BMPR2: variants seen among roughly 807,000 people sequenced by gnomAD.
The protein encoded by BMPR2 is bone morphogenetic protein receptor type 2, also known as bone morphogenetic protein receptor type-2.
In BMPR2, 29 loss-of-function variants were observed where a neutral mutation model predicts 100.8. That is an observed-to-expected ratio of 0.29 (90% confidence interval 0.21 to 0.39). The LOEUF is 0.39. Ranked by LOEUF, BMPR2 falls within the 10% of genes least tolerant of loss-of-function variation. The pLI, the probability that BMPR2 is intolerant of heterozygous loss-of-function variation, is 1.00. For missense variants in BMPR2, 1,011 were observed against 1,274.5 expected (o/e 0.79, Z 3.15); for synonymous variants, 382 against 442.3 (o/e 0.86, Z 1.71).
intron 1 of BMPR2, among the ~76,000 whole-genome samples, chr2:202,391,678 C>T (rs898084473): frequency 6.6e-6 from 1 of 150,912 alleles, no homozygotes; most frequent in Non-Finnish European, 1.5e-5. Flanking sequence ...CGTCTGCCTC[C>T]CAACTCAGGC....
In BMPR2 at chr2:202,467,331, C is replaced by A. The variant is rs1049717171; in HGVS notation, c.248-188C>A. Among the ~76,000 whole-genome samples the A allele has an allele frequency of 7.9e-5, 12 of 152,258 alleles. No homozygotes were observed. In the East Asian group the frequency reaches 9.6e-4, roughly 12 times the overall value. ...CCTTTTTTGGTGGCCTTTTCCCCCCCATGAAATGTCTTTGGTATCCTTTAC... is the reference window on the plus strand; with the variant it reads ...CCTTTTTTGGTGGCCTTTTCCCCCCAATGAAATGTCTTTGGTATCCTTTAC... On this transcript the variant is annotated intron_variant, in intron 2 of 12. Transcript: ENST00000374580.
chr2:202,564,928 C>G lies in BMPR2; in HGVS notation c.*4982C>G, dbSNP rs1246606419. On this transcript the variant is annotated 3_prime_UTR_variant, in exon 13 of 13. Coordinates refer to ENST00000374580, the MANE Select transcript of BMPR2 (RefSeq NM_001204.7). ...AGGCATGGTGGCACGCGCCTGTAGT[C>G]CCAGCTACTCGGGAGGCAGAGACAG... The G allele has an allele frequency of 6.6e-6, 1 of 152,174 alleles. No homozygotes were observed. Among genetic ancestry groups the G allele is most frequent in the Non-Finnish European group, 1.5e-5 (1 of 68,090 alleles). The allele number at this position is 152,174 out of a possible 1,614,324, so 9.4% of individuals were successfully genotyped here.
intron 1 of BMPR2, among the ~76,000 whole-genome samples, chr2:202,378,820 C>T (rs959723031): frequency 1.3e-5 from 2 of 151,994 alleles, no homozygotes; most frequent in Non-Finnish European, 2.9e-5. Context: ...TATTTAAATT[C>T]TCTAGCCATA....
chr2:202,376,883 C>T lies in BMPR2; in HGVS notation c.-592C>T. The T allele has an allele frequency of 2.4e-6, 1 of 410,202 alleles. No homozygotes were observed. Among genetic ancestry groups the T allele is most frequent in the Non-Finnish European group, 4.3e-6 (1 of 233,800 alleles). The allele number at this position is 410,202 out of a possible 1,614,324, so 25.4% of individuals were successfully genotyped here. On this transcript the variant is annotated 5_prime_UTR_variant, in exon 1 of 13. Coordinates refer to ENST00000374580, the MANE Select transcript of BMPR2 (RefSeq NM_001204.7). ...TGAGCTTGTCCATGGAGGCAGGCACCTTTTTTGATCCAGTCAAGGAAGAGG... is the reference window on the plus strand; with the variant it reads ...TGAGCTTGTCCATGGAGGCAGGCACTTTTTTTGATCCAGTCAAGGAAGAGG...
In BMPR2 at chr2:202,410,871, G is replaced by A. The variant is rs531134093; in HGVS notation, c.76+33321G>A. On this transcript the variant is annotated intron_variant, in intron 1 of 12. Coordinates refer to ENST00000374580, the MANE Select transcript of BMPR2 (RefSeq NM_001204.7). ...TAGGATTACAGACGTGAGCCACTGC[G>A]CCCAGTCTTTTTATTTTTAAAAATA... 5.9e-5 allele frequency among the ~76,000 whole-genome samples: 9 copies of A among 152,160 alleles called. No individual in the cohort carries two copies. In the South Asian group the frequency reaches 1.5e-3, roughly 25 times the overall value.
chr2:202,547,491 G>A (rs1326533396), intron 10 of BMPR2, among the ~76,000 whole-genome samples: 1 of 152,030 alleles, frequency 6.6e-6, no homozygotes, highest in Non-Finnish European at 1.5e-5. Flanking sequence ...CACATAAAAG[G>A]TGGCAACTTA....
chr2:202,467,735 A>G (rs1012974624), intron 3 of BMPR2, 46 bp downstream of exon 3: 1 of 1,554,648 alleles, frequency 6.4e-7, no homozygotes, highest in Non-Finnish European at 8.9e-7. Context: ...TTCTCCAAAG[A>G]TTTGCAAAAT....
At chr2:202,546,935 G>C (rs1031849031) in intron 10 of BMPR2, among the ~76,000 whole-genome samples, 1 of 150,920 alleles carries the variant, frequency 6.6e-6, no homozygotes, top group Non-Finnish European at 1.5e-5. Flanking sequence ...GTTTTGTTTT[G>C]TTTTGTTTTG....
chr2:202,499,777 A>G (rs1687335864), intron 3 of BMPR2, among the ~76,000 whole-genome samples: 2 of 152,320 alleles, frequency 1.3e-5, no homozygotes, highest in East Asian at 1.9e-4. Context: ...TCGGTGTTCT[A>G]TAATAGGGAC....
Position 202,464,965 on chromosome 2 carries a change from A to G in BMPR2, c.233A>G (p.Asn78Ser), listed in dbSNP as rs1215078285. Residue 78 changes from asparagine to serine, a missense_variant, in exon 2 of 13, where the codon AAT (asparagine) becomes AGT (serine). This residue lies in a region of BMPR2 where 355 missense variants were observed against 455.3 expected (regional missense o/e 0.78). Transcript: ENST00000374580. ...TGGGAGAAATCAAAAGGGGACATAA[A>G]TCTTGTAAAACAAGGCAAGTGATAC... Reference protein sequence around the residue: ...GLWEKSKGDINLVKQGCWSHI... With the variant: ...GLWEKSKGDISLVKQGCWSHI... The G allele has an allele frequency of 2.5e-6, 4 of 1,614,024 alleles. No homozygotes were observed. Among genetic ancestry groups the G allele is most frequent in the Non-Finnish European group, 3.4e-6 (4 of 1,180,024 alleles).
intron 3 of BMPR2, among the ~76,000 whole-genome samples, chr2:202,501,443 C>T (rs1400202213): frequency 6.6e-6 from 1 of 152,186 alleles, no homozygotes; most frequent in African/African-American, 2.4e-5. Context: ...AGTACAAGCT[C>T]CAGCTTTAAG....
At chr2:202,501,129 C>G (rs1452520628) in intron 3 of BMPR2, among the ~76,000 whole-genome samples, 1 of 152,206 alleles carries the variant, frequency 6.6e-6, no homozygotes, top group East Asian at 1.9e-4. Context: ...TACAAGGTGT[C>G]TAGGTCGAAG....
chr2:202,508,035 T>G (rs1687557507), intron 3 of BMPR2, among the ~76,000 whole-genome samples: 1 of 150,278 alleles, frequency 6.7e-6, no homozygotes. Context: ...ATATGATAAG[T>G]CATTTTATCT....
At chr2:202,473,884 A>T (rs763877355) in intron 3 of BMPR2, among the ~76,000 whole-genome samples, 1 of 152,128 alleles carries the variant, frequency 6.6e-6, no homozygotes, top group Admixed American at 6.5e-5. Flanking sequence ...AGGCAGGCGG[A>T]TCATGAGGTC....
At chr2:202,417,576 T>C (rs1691160913) in intron 1 of BMPR2, among the ~76,000 whole-genome samples, 2 of 152,148 alleles carry the variant, frequency 1.3e-5, no homozygotes, top group African/African-American at 4.8e-5. Context: ...GTGCTGGGAT[T>C]ACAGACATGA....
chr2:202,416,572 C>T (rs1417049496), intron 1 of BMPR2, among the ~76,000 whole-genome samples: 4 of 151,474 alleles, frequency 2.6e-5, no homozygotes, highest in Non-Finnish European at 4.4e-5. Flanking sequence ...ACTACAGGCA[C>T]GTGCCACCAC....
chr2:202,441,967 A>T lies in BMPR2; in HGVS notation c.77-22842A>T, dbSNP rs1029764685. 5.4e-5 allele frequency among the ~76,000 whole-genome samples: 8 copies of T among 149,398 alleles called. 1 individual carries two copies. Among genetic ancestry groups the T allele is most frequent in the African/African-American group, 2.0e-4 (8 of 39,074 alleles). Reference sequence around the variant, plus strand: ...AGAATCGCTTGAACCCAGGAGGCGGAGGTTGCAGTGAGCCGAGATCACGCC... The same window carrying T: ...AGAATCGCTTGAACCCAGGAGGCGGTGGTTGCAGTGAGCCGAGATCACGCC... On this transcript the variant is annotated intron_variant, in intron 1 of 12. Transcript: ENST00000374580.
At chr2:202,435,403 AT>A (rs1559037710) in intron 1 of BMPR2, among the ~76,000 whole-genome samples, 2 of 140,352 alleles carry the variant, frequency 1.4e-5, no homozygotes, top group Non-Finnish European at 3.0e-5. Flanking sequence ...ATATATATAT[AT>A]ATATGTTTTT....
At chr2:202,541,098 T>G (rs141040605) in intron 9 of BMPR2, among the ~76,000 whole-genome samples, 1 of 152,260 alleles carries the variant, frequency 6.6e-6, no homozygotes, top group Non-Finnish European at 1.5e-5. Flanking sequence ...AGTGATAAAA[T>G]AGTTAATAAT....
Sources: allele counts gnomAD v4.1 joint callset (sites outside exome capture counted in the v4.1 genomes callset), GRCh38; gene constraint gnomAD v4.1.1; regional missense constraint gnomAD v4.1.1; transcripts MANE v1.5; gene names NCBI Gene and HGNC (gene_info 2026-07-23, HGNC 2026-07-21).